Variants in HSPA4 observed in about 807,000 individuals in gnomAD.
HSPA4 encodes heat shock protein family A (Hsp70) member 4.
HSPA4 carries 25 observed loss-of-function variants against 106.2 expected under a neutral mutation model. The ratio of observed to expected loss-of-function variants is 0.24; its 90% CI spans 0.17 to 0.33. The LOEUF (loss-of-function observed/expected upper bound fraction) is 0.33. Ranked by LOEUF, HSPA4 falls within the 10% of genes least tolerant of loss-of-function variation. The pLI, the probability that HSPA4 is intolerant of heterozygous loss-of-function variation, is 1.00. For missense variants in HSPA4, 841 were observed against 996.0 expected (o/e 0.84, Z 2.10); for synonymous variants, 332 against 333.6 (o/e 1.00, Z 0.05).
At chr5:133,100,689 T>G (rs1004953262) in intron 16 of HSPA4, among the ~76,000 whole-genome samples, 3 of 152,190 alleles carry the variant, frequency 2.0e-5, no homozygotes, top group African/African-American at 7.2e-5. Context: ...TCTTTTAACA[T>G]TAGGATTAAA....
In HSPA4 at chr5:133,106,102, ATTTTTTTTTTTTTTTTTTTTT is replaced by A. The variant is rs70974072; in HGVS notation, c.*1684_*1704del. 8.7e-5 allele frequency: 5 copies of A among 57,164 alleles called. No homozygotes were observed. The highest frequency in any genetic ancestry group is 2.7e-4 in the Admixed American group (1 of 3,708). 3.5% of individuals were successfully genotyped at this position (57,164 alleles called of 1,614,324 possible). A position where few individuals can be genotyped will look rare whatever the true frequency, so the allele number is the denominator to read the frequency against. ...GCCATTTCTTCTTAAAAAAAAAAAA[ATTTTTTTTTTTTTTTTTTTTT>A]TTTTTTTTTTTTTTTTTGGTGTGTG... On this transcript the variant is annotated 3_prime_UTR_variant, in exon 19 of 19. Transcript: ENST00000304858.
chr5:133,072,167 A>C lies in HSPA4; in HGVS notation c.430-1063A>C, dbSNP rs951870487. ...CTGGAGTTTTGGTAATTTGCTTAGG[A>C]GGGTTCACGGGCCCTAGCGTATAGC... is the stretch of plus-strand genomic sequence containing the variant. On this transcript the variant is annotated intron_variant, in intron 4 of 18. Transcript: ENST00000304858. 1.1e-4 allele frequency among the ~76,000 whole-genome samples: 16 copies of C among 152,144 alleles called. 1 individual carries two copies. The highest frequency in any genetic ancestry group is 2.2e-4 in the Non-Finnish European group (15 of 68,026).
chr5:133,088,881 A>G (rs529455447), intron 9 of HSPA4, among the ~76,000 whole-genome samples, 174 bp from the exon 10 acceptor site: 2 of 152,358 alleles, frequency 1.3e-5, no homozygotes, highest in South Asian at 2.1e-4. Flanking sequence ...GCTAGATTAT[A>G]TAGGTAATTG....
At chr5:133,097,538 T>G (rs1415038113) in intron 15 of HSPA4, among the ~76,000 whole-genome samples, 1 of 139,008 alleles carries the variant, frequency 7.2e-6, no homozygotes, top group African/African-American at 3.0e-5. Context: ...CTTGTATCTT[T>G]CTTTTCTTTT....
intron 17 of HSPA4, among the ~76,000 whole-genome samples, chr5:133,102,366 T>C (rs1765795955): frequency 6.6e-6 from 1 of 152,254 alleles, no homozygotes; most frequent in Non-Finnish European, 1.5e-5. Flanking sequence ...CCATAGGATT[T>C]GCTGTATCTC....
At chr5:133,102,999 A>T (rs1765807790) in intron 17 of HSPA4, among the ~76,000 whole-genome samples, 1 of 142,446 alleles carries the variant, frequency 7.0e-6, no homozygotes, top group Admixed American at 7.3e-5. Flanking sequence ...CACCCACCTC[A>T]ACCTCCCAAA....
intron 1 of HSPA4, among the ~76,000 whole-genome samples, chr5:133,056,014 G>A (rs564565311): frequency 6.7e-4 from 102 of 152,240 alleles, no homozygotes; most frequent in African/African-American, 1.4e-3. Context: ...GTAGGTGGAG[G>A]TTGCAGTGAA....
intron 14 of HSPA4, among the ~76,000 whole-genome samples, chr5:133,096,592 A>T (rs1561586280): frequency 6.6e-6 from 1 of 152,206 alleles, no homozygotes; most frequent in African/African-American, 2.4e-5. Flanking sequence ...CATGGAAGTT[A>T]TTCAGTAGGA....
At position 133,067,425 on chromosome 5, in the gene HSPA4, T is replaced by C. The variant is rs1765321413; in HGVS notation, c.174T>C (p.Ser58=). 1 of 1,609,858 alleles carries C rather than the reference T, an allele frequency of 6.2e-7. No individual in the cohort carries two copies. Among genetic ancestry groups the C allele is most frequent in the Admixed American group, 1.7e-5 (1 of 59,200 alleles). ...IGAAAKSQVI[S]NAKNTVQGFK... ...GATATTCTTTCTCTTAGGTAATTTC[T>C]AATGCAAAGAACACAGTCCAAGGAT... The change falls in exon 3 of 19, where the codon TCT becomes TCC. Residue 58 remains serine (S), a synonymous_variant. Transcript: ENST00000304858.
chr5:133,086,734 C>A, intron 7 of HSPA4, 48 bp from the exon 8 acceptor site: 1 of 1,286,398 alleles, frequency 7.8e-7, no homozygotes, highest in Non-Finnish European at 1.1e-6. Flanking sequence ...ATAAAAGTGG[C>A]ATGTGATTTA....
intron 7 of HSPA4, among the ~76,000 whole-genome samples, chr5:133,078,188 C>T (rs969203679): frequency 7.2e-5 from 11 of 151,772 alleles, no homozygotes; most frequent in African/African-American, 1.5e-4. Flanking sequence ...AGAAATTAGC[C>T]GGGTATGGTG....
intron 17 of HSPA4, 84 bp downstream of exon 17, chr5:133,101,962 T>C: frequency 1.9e-6 from 2 of 1,036,892 alleles, no homozygotes; most frequent in Non-Finnish European, 1.4e-6. Flanking sequence ...AGTCTTGCTC[T>C]GTTGCCCAGG....
At chr5:133,082,059 T>G (rs1412442430) in intron 7 of HSPA4, among the ~76,000 whole-genome samples, 1 of 152,124 alleles carries the variant, frequency 6.6e-6, no homozygotes, top group Non-Finnish European at 1.5e-5. Context: ...AAATAAAACA[T>G]GCTATGTTCA....
At chr5:133,063,530 A>G (rs1765271138) in intron 1 of HSPA4, among the ~76,000 whole-genome samples, 2 of 151,414 alleles carry the variant, frequency 1.3e-5, no homozygotes, top group African/African-American at 4.9e-5. Flanking sequence ...TCCCAGGTTC[A>G]AGTGATTCTC....
intron 16 of HSPA4, among the ~76,000 whole-genome samples, chr5:133,101,222 A>G (rs1237466040): frequency 2.0e-5 from 3 of 152,162 alleles, no homozygotes; most frequent in Middle Eastern, 3.2e-3. Context: ...GATGTCGCTT[A>G]TAACTGTGTC....
chr5:133,076,295 A>G (rs1172017579), intron 6 of HSPA4: 1 of 231,292 alleles, frequency 4.3e-6, no homozygotes, highest in Non-Finnish European at 8.7e-6. Flanking sequence ...ACATGTTAGT[A>G]TATTTTACCT....
intron 8 of HSPA4, 88 bp from the exon 9 acceptor site, chr5:133,088,316 T>C (rs1765603603): frequency 2.2e-6 from 2 of 925,066 alleles, no homozygotes; most frequent in Non-Finnish European, 3.3e-6. Flanking sequence ...TGGAGGAGTT[T>C]TGTTACACAT....
At chr5:133,099,464 C>T in intron 15 of HSPA4, 81 bp from the exon 16 acceptor site, 1 of 662,290 alleles carries the variant, frequency 1.5e-6, no homozygotes. Flanking sequence ...ATCTCAGATA[C>T]ATCATTATAT....
chr5:133,084,892 C>T (rs1284001535), intron 7 of HSPA4, among the ~76,000 whole-genome samples: 7 of 152,028 alleles, frequency 4.6e-5, no homozygotes, highest in African/African-American at 1.7e-4. Context: ...ACTGTAGCTT[C>T]GACCTCCCAG....
Sources: gnomAD v4.1 joint callset for allele counts (sites outside exome capture counted in the v4.1 genomes callset) on GRCh38, gnomAD v4.1.1 for gene constraint, MANE v1.5 for transcripts, NCBI Gene and HGNC (gene_info 2026-07-23, HGNC 2026-07-21) for gene names.